NOX3: variants seen among roughly 807,000 people sequenced by gnomAD.
NOX3 encodes the protein NADPH oxidase 3, also known as NADPH oxidase catalytic subunit-like 3.
Under a neutral mutation model 76.7 loss-of-function variants are expected in NOX3, and 74 were observed. The observed-to-expected ratio is 0.96, with a 90% CI of 0.80 to 1.17. The LOEUF is 1.17. NOX3 is among the 50% of genes most tolerant of loss of function. The pLI is 0.00. For synonymous variants in NOX3, 263 were observed against 261.1 expected (o/e 1.01, Z -0.07); for missense variants, 695 against 703.3 (o/e 0.99, Z 0.13).
Position 155,414,233 on chromosome 6 carries a change from C to T in NOX3, c.1309-2873G>A, listed in dbSNP as rs77339896. Among the ~76,000 whole-genome samples, 1,832 of 152,288 alleles carry T rather than the reference C, an allele frequency of 0.012. 64 individuals carry two copies. In the East Asian group the frequency reaches 0.13, roughly 11 times the overall value. On this transcript the variant is annotated intron_variant, in intron 10 of 13. Coordinates refer to ENST00000159060, the MANE Select transcript of NOX3 (RefSeq NM_015718.3). ...AGCAAAAGGTATTTACTTTGACTTTCTTTCATCTTTCTAATGGTGGGGGAC... is the reference window on the plus strand; with the variant it reads ...AGCAAAAGGTATTTACTTTGACTTTTTTTCATCTTTCTAATGGTGGGGGAC...
chr6:155,454,421 A>G (rs914156341), intron 3 of NOX3, among the ~76,000 whole-genome samples: 5 of 152,206 alleles, frequency 3.3e-5, no homozygotes, highest in Non-Finnish European at 5.9e-5. Flanking sequence ...AATAAAATCT[A>G]TGTACTGTGA....
At chr6:155,451,565 A>T (rs1473000245) in intron 4 of NOX3, among the ~76,000 whole-genome samples, 1 of 152,162 alleles carries the variant, frequency 6.6e-6, no homozygotes, top group Non-Finnish European at 1.5e-5. Flanking sequence ...CATGCCCAAA[A>T]GTTTAAGGAG....
chr6:155,431,413 A>AACACAC (rs61041630), intron 7 of NOX3, among the ~76,000 whole-genome samples: 24,399 of 144,552 alleles, frequency 0.17, 2,171 homozygotes, highest in Admixed American at 0.2. Flanking sequence ...TAAACACAGA[A>AACACAC]ACACACACAC....
intron 10 of NOX3, among the ~76,000 whole-genome samples, chr6:155,417,258 G>T (rs539951059): frequency 1.3e-5 from 2 of 152,202 alleles, no homozygotes; most frequent in African/African-American, 4.8e-5. Flanking sequence ...AATGTGTATA[G>T]GTATATGCAT....
At chr6:155,442,580 A>G (rs1052906318) in intron 5 of NOX3, among the ~76,000 whole-genome samples, 4 of 151,404 alleles carry the variant, frequency 2.6e-5, no homozygotes, top group African/African-American at 7.2e-5. Flanking sequence ...TGGTATGTGG[A>G]AAAAAACTGA....
chr6:155,433,938 A>G (rs1417949707), intron 7 of NOX3, among the ~76,000 whole-genome samples: 1 of 152,228 alleles, frequency 6.6e-6, no homozygotes, highest in Non-Finnish European at 1.5e-5. Context: ...ATGCTCAAAA[A>G]GTCACGCTAC....
At chr6:155,422,610 C>A in intron 10 of NOX3, 84 bp downstream of exon 10, 3 of 1,321,940 alleles carry the variant, frequency 2.3e-6, no homozygotes, top group Non-Finnish European at 3.2e-6. Context: ...TAATTAAAAT[C>A]CTCCCCAAGA....
At position 155,431,990 on chromosome 6, in the gene NOX3, C is replaced by T. The variant is rs1234138990; in HGVS notation, c.799-1055G>A. On this transcript the variant is annotated intron_variant, in intron 7 of 13. Coordinates refer to ENST00000159060, the MANE Select transcript of NOX3 (RefSeq NM_015718.3). ...GGCTTGTTTTCCAAAACATTAGAAACTCATGAACTCATTGAATTTTAGGAT... is the reference window on the plus strand; with the variant it reads ...GGCTTGTTTTCCAAAACATTAGAAATTCATGAACTCATTGAATTTTAGGAT... Among the ~76,000 whole-genome samples, 6 of 152,166 alleles carry T rather than the reference C, an allele frequency of 3.9e-5. No homozygotes were observed. In the East Asian group the frequency reaches 1.2e-3, roughly 29 times the overall value.
chr6:155,421,390 A>G (rs1437524077), intron 10 of NOX3, among the ~76,000 whole-genome samples: 1 of 152,164 alleles, frequency 6.6e-6, no homozygotes, highest in Non-Finnish European at 1.5e-5. Context: ...AACTCATGAA[A>G]TAGTTAACTG....
At chr6:155,421,502 A>G (rs1301528596) in intron 10 of NOX3, among the ~76,000 whole-genome samples, 1 of 152,142 alleles carries the variant, frequency 6.6e-6, no homozygotes, top group African/African-American at 2.4e-5. Flanking sequence ...TAGGTGAGGA[A>G]AGGTTCTGTA....
intron 12 of NOX3, among the ~76,000 whole-genome samples, chr6:155,398,223 T>C (rs1779165032): frequency 6.6e-6 from 1 of 152,192 alleles, no homozygotes; most frequent in Admixed American, 6.5e-5. Context: ...TGTAGATTCC[T>C]AGGCTCGAAT....
intron 4 of NOX3, among the ~76,000 whole-genome samples, chr6:155,451,036 T>G (rs549306249): frequency 2.0e-4 from 30 of 151,948 alleles, no homozygotes; most frequent in Admixed American, 9.8e-4. Flanking sequence ...TGGAGTACAA[T>G]GGGGCATTCT....
rs1270453721 is a variant in NOX3 at position 155,411,336 on chromosome 6, C to T, written c.1333G>A (p.Asp445Asn). The change falls in exon 11 of 14, where the codon GAT (aspartate) becomes AAT (asparagine). Residue 445 changes from aspartate to asparagine, a missense_variant. Asp to Asn is a conservative substitution (Grantham distance 23). Coordinates refer to ENST00000159060, the MANE Select transcript of NOX3 (RefSeq NM_015718.3). ...GCAAACCACTCAAAAGCTCTTGCAT[C>T]CCGGCAAATCCAGTAGAAATACACC... ...SKVYFYWICR[D>N]ARAFEWFADL... 2.5e-6 allele frequency: 4 copies of T among 1,613,770 alleles called. No individual in the cohort carries two copies. Among genetic ancestry groups the T allele is most frequent in the Non-Finnish European group, 3.4e-6 (4 of 1,179,820 alleles).
chr6:155,403,032 T>C (rs1022977345), intron 12 of NOX3, among the ~76,000 whole-genome samples: 5 of 152,336 alleles, frequency 3.3e-5, no homozygotes, highest in African/African-American at 1.2e-4. Context: ...ATCTCTTTAA[T>C]AACCATCCCG....
intron 1 of NOX3, among the ~76,000 whole-genome samples, chr6:155,455,456 G>C (rs1777202266): frequency 6.6e-6 from 1 of 152,136 alleles, no homozygotes. Context: ...CTCTAGAAAA[G>C]TTCCAATTTC....
In NOX3 at chr6:155,455,023, A is replaced by G; in HGVS notation, c.144+11T>C. ...CTGAAAAAATAATGTTTAATCATAA[A>G]CTGTACTTACACCCAAAATAACTCG... On this transcript the variant is annotated intron_variant, in intron 2 of 13. Coordinates refer to ENST00000159060, the MANE Select transcript of NOX3 (RefSeq NM_015718.3). The G allele has an allele frequency of 1.3e-6, 2 of 1,597,718 alleles. No homozygotes were observed. Among genetic ancestry groups the G allele is most frequent in the Non-Finnish European group, 1.7e-6 (2 of 1,167,020 alleles).
rs769348198 is a variant in NOX3 at position 155,439,994 on chromosome 6, G to T, written c.630C>A (p.Phe210Leu). The T allele has an allele frequency of 1.2e-6, 2 of 1,614,004 alleles. No homozygotes were observed. Among genetic ancestry groups the T allele is most frequent in the Non-Finnish European group, 1.7e-6 (2 of 1,179,976 alleles). Residue 210 changes from phenylalanine to leucine, a missense_variant, in exon 6 of 14, where the codon TTC becomes TTA. By Grantham distance (22) the Phe-to-Leu change is conservative. Coordinates refer to ENST00000159060, the MANE Select transcript of NOX3 (RefSeq NM_015718.3). ...YELFWYTHHV[F>L]IVFFLSLAIH... The stretch of plus-strand genomic sequence containing the variant: ...TGGCCAGGCTGAGAAAGAAGACGAT[G>T]AAAACATGGTGTGTGTACCAGAACA...
At chr6:155,396,265 A>C (rs559246845) in intron 13 of NOX3, among the ~76,000 whole-genome samples, 50 of 152,366 alleles carry the variant, frequency 3.3e-4, no homozygotes, top group African/African-American at 1.1e-3. Flanking sequence ...TCTCCGGTCT[A>C]CAGAGGATGA....
intron 10 of NOX3, among the ~76,000 whole-genome samples, chr6:155,412,593 A>T (rs13218521): frequency 6.6e-6 from 1 of 151,974 alleles, no homozygotes; most frequent in Non-Finnish European, 1.5e-5. Context: ...GTCTCTAAGC[A>T]CAATGACCTG....
Sources: gnomAD v4.1 joint callset for allele counts (sites outside exome capture counted in the v4.1 genomes callset) on GRCh38, gnomAD v4.1.1 for gene constraint, MANE v1.5 for transcripts, NCBI Gene and HGNC (gene_info 2026-07-23, HGNC 2026-07-21) for gene names.